VDAC1: variants seen among roughly 807,000 people sequenced by gnomAD.
The protein encoded by VDAC1 is voltage dependent anion channel 1, also known as non-selective voltage-gated ion channel VDAC1.
In VDAC1, 10 loss-of-function variants were observed where a neutral mutation model predicts 34.7. That is an observed-to-expected ratio of 0.29 (90% CI 0.18 to 0.49). The LOEUF (loss-of-function observed/expected upper bound fraction) is 0.49. VDAC1 is among the 20% of genes least tolerant of loss of function. The probability of loss-of-function intolerance (pLI) is 0.99; values close to 1 mark genes in which losing one functional copy is unlikely to be tolerated. For synonymous variants in VDAC1, 130 were observed against 136.0 expected (o/e 0.96, Z 0.30); for missense variants, 230 against 347.9 (o/e 0.66, Z 2.69).
At chr5:134,100,473 CA>C in the VDAC1 span, among the ~76,000 whole-genome samples, 4 of 152,218 alleles carry the variant, frequency 2.6e-5, no homozygotes, top group South Asian at 8.3e-4. Context: ...CCGTGACAGA[CA>C]GGGGGTCCTG....
chr5:133,990,071 G>A (rs775761658), intron 5 of VDAC1, among the ~76,000 whole-genome samples: 1 of 152,248 alleles, frequency 6.6e-6, no homozygotes, highest in Non-Finnish European at 1.5e-5. Flanking sequence ...AAAAAAACAA[G>A]GGTGTATTCT....
At chr5:134,097,901 G>A in the VDAC1 span, among the ~76,000 whole-genome samples, 1 of 150,780 alleles carries the variant, frequency 6.6e-6, no homozygotes, top group African/African-American at 2.4e-5. Flanking sequence ...ATAGAGTTTC[G>A]CTCTAGTTGC....
At chr5:134,052,081 C>A in the VDAC1 span, among the ~76,000 whole-genome samples, 2 of 152,010 alleles carry the variant, frequency 1.3e-5, no homozygotes, top group Non-Finnish European at 2.9e-5. Flanking sequence ...CAGGTCATAA[C>A]CCCTCATTTG....
At chr5:134,093,665 A>C in the VDAC1 span, among the ~76,000 whole-genome samples, 1 of 152,232 alleles carries the variant, frequency 6.6e-6, no homozygotes, top group South Asian at 2.1e-4. Context: ...GGCAGAGAGA[A>C]GCATTCCAGA....
At chr5:134,005,384 T>A (rs926264847), upstream of VDAC1, 1 of 152,190 alleles carries the variant, frequency 6.6e-6, no homozygotes, top group African/African-American at 2.4e-5. Context: ...GCGCTCCGGA[T>A]ACAATGTGTC....
At chr5:133,977,547 C>G (rs566109605) in intron 6 of VDAC1, among the ~76,000 whole-genome samples, 4 of 152,316 alleles carry the variant, frequency 2.6e-5, no homozygotes, top group Non-Finnish European at 4.4e-5. Flanking sequence ...AGCTGAACAG[C>G]CTATACAAAC....
chr5:134,080,633 G>A, the VDAC1 span, among the ~76,000 whole-genome samples: 11 of 152,194 alleles, frequency 7.2e-5, no homozygotes, highest in Admixed American at 2.0e-4. Context: ...CCAACAACAT[G>A]AGTTGACATT....
At chr5:134,017,695 C>G in the VDAC1 span, among the ~76,000 whole-genome samples, 1 of 152,134 alleles carries the variant, frequency 6.6e-6, no homozygotes, top group African/African-American at 2.4e-5. Flanking sequence ...GGGCGGATCA[C>G]GAGGTCAGGA....
At chr5:134,037,567 A>C in the VDAC1 span, among the ~76,000 whole-genome samples, 1 of 152,174 alleles carries the variant, frequency 6.6e-6, no homozygotes, top group Non-Finnish European at 1.5e-5. Context: ...AAATCAAAGA[A>C]TCTCTGAATC....
At chr5:133,992,224 A>G (rs4958203) in intron 3 of VDAC1, 82 bp downstream of exon 3, 342,274 of 1,097,398 alleles carry the variant, frequency 0.31, 54,590 homozygotes, top group East Asian at 0.49. Flanking sequence ...CGACAAGAGC[A>G]AAACTCCATC....
At chr5:134,078,062 G>GAT in the VDAC1 span, among the ~76,000 whole-genome samples, 1 of 152,180 alleles carries the variant, frequency 6.6e-6, no homozygotes, top group Non-Finnish European at 1.5e-5. Flanking sequence ...GGCCCAGTCT[G>GAT]ATCCCTTGAG....
At chr5:134,066,119 T>G in the VDAC1 span, among the ~76,000 whole-genome samples, 1 of 151,782 alleles carries the variant, frequency 6.6e-6, no homozygotes, top group African/African-American at 2.4e-5. Flanking sequence ...ATCTACTTAT[T>G]TTTTTGAGAC....
chr5:134,029,509 C>T, the VDAC1 span, among the ~76,000 whole-genome samples: 1 of 152,196 alleles, frequency 6.6e-6, no homozygotes, highest in South Asian at 2.1e-4. Context: ...TCCAATAGAA[C>T]TTTCTGCAAT....
chr5:134,038,517 C>G, the VDAC1 span, among the ~76,000 whole-genome samples: 1 of 152,178 alleles, frequency 6.6e-6, no homozygotes, highest in Non-Finnish European at 1.5e-5. Flanking sequence ...ACGACCCCCT[C>G]CCTCAATCCC....
At chr5:134,092,796 ATTATAC>A in the VDAC1 span, among the ~76,000 whole-genome samples, 5 of 152,300 alleles carry the variant, frequency 3.3e-5, no homozygotes, top group East Asian at 3.9e-4. Flanking sequence ...GAACAAAGGT[ATTATAC>A]TTATAGGATT....
chr5:134,021,003 C>CA, the VDAC1 span, among the ~76,000 whole-genome samples: 91 of 139,430 alleles, frequency 6.5e-4, no homozygotes, highest in East Asian at 5.1e-3. Flanking sequence ...ACAAAAAATA[C>CA]AAAAAAAAAA....
At chr5:134,101,130 G>A in the VDAC1 span, among the ~76,000 whole-genome samples, 75 of 152,340 alleles carry the variant, frequency 4.9e-4, no homozygotes, top group African/African-American at 1.5e-3. Context: ...AGTCCTTGAC[G>A]AAGGCCACCT....
At chr5:134,018,504 G>C in the VDAC1 span, among the ~76,000 whole-genome samples, 1 of 152,152 alleles carries the variant, frequency 6.6e-6, no homozygotes, top group Non-Finnish European at 1.5e-5. Flanking sequence ...GTGCCTCTTG[G>C]GTTGTCAATC....
At chr5:134,024,196 C>A in the VDAC1 span, among the ~76,000 whole-genome samples, 1 of 151,626 alleles carries the variant, frequency 6.6e-6, no homozygotes, top group African/African-American at 2.4e-5. Context: ...AGAGCCCTGA[C>A]CTGACTTGAA....
Sources: gnomAD v4.1 joint callset for allele counts (sites outside exome capture counted in the v4.1 genomes callset) on GRCh38, gnomAD v4.1.1 for gene constraint, MANE v1.5 for transcripts, NCBI Gene and HGNC (gene_info 2026-07-23, HGNC 2026-07-21) for gene names.